Variants in FYB1 observed in about 807,000 individuals in gnomAD.
FYB1 encodes the protein FYN binding protein 1.
A neutral mutation model predicts 94.1 loss-of-function variants in FYB1; 41 were observed. The observed-to-expected ratio is 0.44, with a 90% CI of 0.34 to 0.57. The LOEUF (loss-of-function observed/expected upper bound fraction) is 0.57. Ranked by LOEUF, FYB1 falls within the 20% of genes least tolerant of loss-of-function variation. FYB1 has a pLI of 0.02. For missense variants in FYB1, 1,050 were observed against 976.8 expected, an observed-to-expected ratio of 1.07 and a Z score of -1.00; for synonymous variants, 367 against 353.2, an observed-to-expected ratio of 1.04 and a Z score of -0.44.
intron 3 of FYB1, among the ~76,000 whole-genome samples, chr5:39,145,389 C>T (rs375018686): frequency 2.0e-5 from 3 of 151,990 alleles, no homozygotes; most frequent in Middle Eastern, 3.4e-3. Context: ...TATGAAACAT[C>T]GCAAGAAGTT....
chr5:39,137,893 T>C lies in FYB1; in HGVS notation c.1395-173A>G. 6.6e-6 allele frequency: 5 copies of C among 756,192 alleles called. No homozygotes were observed. The South Asian group carries it at 9.3e-5, about 14-fold the overall frequency. 46.8% of individuals were successfully genotyped at this position (756,192 alleles called of 1,614,324 possible). On this transcript the variant is annotated intron_variant, in intron 6 of 18. Coordinates refer to ENST00000512982, the MANE Select transcript of FYB1 (RefSeq NM_001465.6). ...TGTGTGAGATTATTTTTAAAACCAG[T>C]AGGAGGCACACTGCTGAGGATACCT... is the stretch of plus-strand genomic sequence containing the variant.
intron 1 of FYB1, among the ~76,000 whole-genome samples, chr5:39,206,582 C>A (rs754940200): frequency 6.6e-5 from 10 of 152,122 alleles, no homozygotes; most frequent in Non-Finnish European, 1.0e-4. Context: ...AACTCCTTAA[C>A]TTAGTTCCCC....
intron 1 of FYB1, among the ~76,000 whole-genome samples, chr5:39,208,024 A>T (rs1265925603): frequency 1.3e-5 from 2 of 151,668 alleles, no homozygotes; most frequent in Non-Finnish European, 2.9e-5. Flanking sequence ...TCTGCTTTTA[A>T]TTTTTTTTTA....
At chr5:39,140,530 C>G (rs988417030) in intron 4 of FYB1, among the ~76,000 whole-genome samples, 1 of 152,146 alleles carries the variant, frequency 6.6e-6, no homozygotes, top group Non-Finnish European at 1.5e-5. Flanking sequence ...CTGTCATACT[C>G]GGTCAACCTA....
At position 39,191,400 on chromosome 5, in the gene FYB1, G is replaced by A. The variant is rs115191963; in HGVS notation, c.1135+10426C>T. ...GTGCAGCTGCAGAGAGATGTGGACT[G>A]TTATAATAAATACAAACAGCTGATT... is the stretch of plus-strand genomic sequence containing the variant. On this transcript the variant is annotated intron_variant, in intron 2 of 18. Coordinates refer to ENST00000512982, the MANE Select transcript of FYB1 (RefSeq NM_001465.6). Among the ~76,000 whole-genome samples the A allele has an allele frequency of 6.8e-3, 1,036 of 152,290 alleles. 11 individuals are homozygous for A. The highest frequency in any genetic ancestry group is 0.023 in the African/African-American group (970 of 41,554).
chr5:39,167,238 G>T (rs1456706543), intron 2 of FYB1, among the ~76,000 whole-genome samples: 2 of 151,982 alleles, frequency 1.3e-5, no homozygotes, highest in Admixed American at 1.3e-4. Flanking sequence ...TTCTACTAGA[G>T]GTGTGATCTT....
At chr5:39,154,502 T>A (rs370137369) in intron 2 of FYB1, among the ~76,000 whole-genome samples, 4,897 of 102,344 alleles carry the variant, frequency 0.048, 139 homozygotes, top group South Asian at 0.068. Context: ...ATAACCATTT[T>A]CCTTTTTTTT....
At chr5:39,116,994 A>G (rs1199359477) in intron 16 of FYB1, among the ~76,000 whole-genome samples, 1 of 152,094 alleles carries the variant, frequency 6.6e-6, no homozygotes, top group Non-Finnish European at 1.5e-5. Context: ...AATTTCTTCT[A>G]CCATACCAAG....
At chr5:39,269,346 G>A (rs1403404885) in intron 1 of FYB1, among the ~76,000 whole-genome samples, 3 of 152,138 alleles carry the variant, frequency 2.0e-5, no homozygotes, top group African/African-American at 7.2e-5. Flanking sequence ...ACCACATCTG[G>A]CCAAGGTCAA....
intron 2 of FYB1, among the ~76,000 whole-genome samples, chr5:39,190,110 A>G (rs1209162646): frequency 6.6e-6 from 1 of 152,216 alleles, no homozygotes; most frequent in Non-Finnish European, 1.5e-5. Flanking sequence ...TGGCTTTTCT[A>G]CTTTAAAATA....
chr5:39,251,571 T>C (rs1019695921), intron 1 of FYB1, among the ~76,000 whole-genome samples: 2 of 151,946 alleles, frequency 1.3e-5, no homozygotes, highest in Non-Finnish European at 2.9e-5. Flanking sequence ...AAGAGCAAAG[T>C]GTGAAAAGTA....
chr5:39,230,879 A>G (rs1233835359), intron 1 of FYB1, among the ~76,000 whole-genome samples: 1 of 150,830 alleles, frequency 6.6e-6, no homozygotes. Context: ...ACACACACAC[A>G]TATATATACA....
intron 10 of FYB1, among the ~76,000 whole-genome samples, chr5:39,129,435 C>A (rs1740988404): frequency 6.6e-6 from 1 of 151,838 alleles, no homozygotes; most frequent in Non-Finnish European, 1.5e-5. Context: ...AAAGCACAGG[C>A]AACAAAAACA....
intron 1 of FYB1, among the ~76,000 whole-genome samples, chr5:39,234,830 A>G (rs1579752516): frequency 6.6e-6 from 1 of 152,166 alleles, no homozygotes; most frequent in East Asian, 1.9e-4. Context: ...CATAAGTGGG[A>G]GTTGAACAAC....
intron 2 of FYB1, among the ~76,000 whole-genome samples, chr5:39,194,881 A>G (rs1747690666): frequency 6.6e-6 from 1 of 152,150 alleles, no homozygotes; most frequent in Non-Finnish European, 1.5e-5. Context: ...CTTCTGGACA[A>G]CTGCTTTTTC....
chr5:39,174,900 AC>A (rs1234575795), intron 2 of FYB1, among the ~76,000 whole-genome samples: 7 of 152,326 alleles, frequency 4.6e-5, no homozygotes, highest in African/African-American at 1.7e-4. Flanking sequence ...CAACTAATAG[AC>A]TAAGGGCGAA....
In FYB1 at chr5:39,202,300, A is replaced by G; in HGVS notation, c.661T>C (p.Ser221Pro). The part of the protein sequence containing the change: ...EDESPMKNVS[S>P]SKGSPAPLGV... The stretch of plus-strand genomic sequence containing the variant: ...AGGGGAGCTGGGGACCCTTTTGATG[A>G]AGACACATTCTTCATGGGGCTTTCG... Residue 221 changes from serine (S) to proline (P), a missense_variant, in exon 2 of 19, where the codon TCA becomes CCA. Physicochemically the swap from Ser to Pro is moderately conservative, Grantham distance 74 (BLOSUM62 -1). Coordinates refer to ENST00000512982, the MANE Select transcript of FYB1 (RefSeq NM_001465.6). 1.2e-6 allele frequency: 2 copies of G among 1,613,610 alleles called. No homozygotes were observed. Among genetic ancestry groups the G allele is most frequent in the African/African-American group, 1.3e-5 (1 of 74,906 alleles).
intron 1 of FYB1, chr5:39,270,482 A>T: frequency 7.7e-7 from 1 of 1,294,440 alleles, no homozygotes; most frequent in Non-Finnish European, 1.1e-6. Context: ...CCTGACTGTG[A>T]AGCACCCTCA....
At chr5:39,115,739 C>A (rs1739502380) in intron 16 of FYB1, among the ~76,000 whole-genome samples, 1 of 151,738 alleles carries the variant, frequency 6.6e-6, no homozygotes, top group Non-Finnish European at 1.5e-5. Flanking sequence ...CAGGTTTGTA[C>A]AAATTAAGAA....
Sources: gnomAD v4.1 joint callset for allele counts (sites outside exome capture counted in the v4.1 genomes callset) on GRCh38, gnomAD v4.1.1 for gene constraint, MANE v1.5 for transcripts, NCBI Gene and HGNC (gene_info 2026-07-23, HGNC 2026-07-21) for gene names.